USP40: variants seen among roughly 807,000 people sequenced by gnomAD.
USP40 encodes ubiquitin specific peptidase 40.
USP40 carries 143 observed loss-of-function variants against 166.2 expected under a neutral mutation model. The observed-to-expected ratio is 0.86, with a 90% confidence interval of 0.75 to 0.99. USP40 has a LOEUF of 0.99. USP40 is among the 50% of genes least tolerant of loss of function. The probability of loss-of-function intolerance (pLI) is 0.00; values close to 1 mark genes in which losing one functional copy is unlikely to be tolerated. For missense variants in USP40, 1,444 were observed against 1,479.7 expected, an observed-to-expected ratio of 0.98 and a Z score of 0.40; for synonymous variants, 498 against 524.0, an observed-to-expected ratio of 0.95 and a Z score of 0.68.
At chr2:233,517,379 G>GTTTTTTTTTTTTTTTTTTTTT (rs202226925) in intron 18 of USP40, among the ~76,000 whole-genome samples, 2 of 137,142 alleles carry the variant, frequency 1.5e-5, no homozygotes, top group Non-Finnish European at 1.5e-5. Context: ...CACATGCATG[G>GTTTTTTTTTTTTTTTTTTTTT]TTTTTTGTTT....
chr2:233,498,635 A>G, intron 22 of USP40, 23 bp from the exon 23 acceptor site: 1 of 1,607,006 alleles, frequency 6.2e-7, no homozygotes, highest in Non-Finnish European at 8.5e-7. Context: ...CAAAATTGGG[A>G]TAAAAAAAAT....
At chr2:233,502,201 A>G (rs939480542) in intron 21 of USP40, among the ~76,000 whole-genome samples, 3 of 152,182 alleles carry the variant, frequency 2.0e-5, no homozygotes, top group East Asian at 1.9e-4. Flanking sequence ...ACTTTTGAAA[A>G]GTTTTGTGGT....
chr2:233,502,218 C>T (rs1050975589), intron 21 of USP40, among the ~76,000 whole-genome samples: 2 of 151,954 alleles, frequency 1.3e-5, no homozygotes, highest in Admixed American at 6.6e-5. Flanking sequence ...TGGTTTCTTT[C>T]CTTGAAATTA....
At chr2:233,508,233 C>T (rs2066563495) in intron 21 of USP40, among the ~76,000 whole-genome samples, 1 of 152,194 alleles carries the variant, frequency 6.6e-6, no homozygotes, top group Non-Finnish European at 1.5e-5. Flanking sequence ...AAATATCCAA[C>T]TAATGTTCAC....
intron 2 of USP40, among the ~76,000 whole-genome samples, chr2:233,563,808 C>G (rs555927932): frequency 1.4e-3 from 207 of 152,272 alleles, no homozygotes; most frequent in African/African-American, 4.9e-3. Context: ...ACTAAGATGT[C>G]AAATCATATG....
chr2:233,533,178 A>G (rs569118972), intron 11 of USP40, among the ~76,000 whole-genome samples: 1 of 152,294 alleles, frequency 6.6e-6, no homozygotes, highest in South Asian at 2.1e-4. Context: ...GCATATGGCA[A>G]TCGCACTCAA....
At chr2:233,560,809 G>C (rs1057029232) in intron 3 of USP40, 2 of 460,130 alleles carry the variant, frequency 4.3e-6, no homozygotes, top group African/African-American at 2.0e-5. Flanking sequence ...ATTTTTTTTT[G>C]TGTGGGGTGG....
chr2:233,485,459 TA>T, intron 30 of USP40, 71 bp downstream of exon 30: 1 of 1,182,736 alleles, frequency 8.5e-7, no homozygotes, highest in Non-Finnish European at 1.2e-6. Context: ...GAAGATTCAA[TA>T]AAACGTCTCT....
chr2:233,540,716 C>G lies in USP40; in HGVS notation c.1116G>C (p.Lys372Asn). 1 of 1,613,442 alleles carries G rather than the reference C, an allele frequency of 6.2e-7. No homozygotes were observed. Among genetic ancestry groups the G allele is most frequent in the Non-Finnish European group, 8.5e-7 (1 of 1,179,590 alleles). The change falls in exon 10 of 32, where the codon AAG becomes AAC. Residue 372 changes from lysine to asparagine, a missense_variant. Lys to Asn is a moderately conservative substitution (Grantham distance 94, BLOSUM62 0). Transcript: ENST00000678225. ...ACTTCTTGTTCCAAGATATTCCTAT[C>G]TTTTTCAAAAGTTTCTGGCCCAGCT... ...VDQLGQKLLK[K>N]IGISWNKKYR...
intron 25 of USP40, 174 bp from the exon 26 acceptor site, chr2:233,491,435 T>G: frequency 3.3e-6 from 2 of 613,882 alleles, no homozygotes; most frequent in Non-Finnish European, 5.9e-6. Flanking sequence ...CAGGGACATG[T>G]TGTCGGCAGA....
intron 8 of USP40, among the ~76,000 whole-genome samples, chr2:233,548,790 G>A (rs1267815169): frequency 1.3e-5 from 2 of 152,062 alleles, no homozygotes; most frequent in Non-Finnish European, 2.9e-5. Flanking sequence ...CAAACGGTTC[G>A]CACTAATAAT....
chr2:233,549,023 A>G, intron 8 of USP40, 78 bp downstream of exon 8: 1 of 1,417,918 alleles, frequency 7.1e-7, no homozygotes, highest in Non-Finnish European at 9.5e-7. Context: ...AATAAATGGT[A>G]AACAAAATTT....
At chr2:233,505,795 A>G (rs966922892) in intron 21 of USP40, among the ~76,000 whole-genome samples, 7 of 152,304 alleles carry the variant, frequency 4.6e-5, no homozygotes, top group African/African-American at 1.7e-4. Context: ...AAAGTTGTGA[A>G]TATTTCCAAA....
At chr2:233,494,930 A>ATATATATATATATATATATTTT (rs2065601865) in intron 24 of USP40, among the ~76,000 whole-genome samples, 1 of 37,634 alleles carries the variant, frequency 2.7e-5, no homozygotes, top group African/African-American at 1.8e-4. Context: ...ATATATATAT[A>ATATATATATATATATATATTTT]TATATATATA....
chr2:233,565,783 A>G (rs1281869319), intron 1 of USP40, among the ~76,000 whole-genome samples: 1 of 152,082 alleles, frequency 6.6e-6, no homozygotes, highest in Non-Finnish European at 1.5e-5. Flanking sequence ...GGATATGTTA[A>G]TCTGTTTTCT....
intron 1 of USP40, among the ~76,000 whole-genome samples, chr2:233,565,847 G>A (rs1410887489): frequency 6.6e-6 from 1 of 152,096 alleles, no homozygotes; most frequent in Non-Finnish European, 1.5e-5. Flanking sequence ...ACTATCCAAT[G>A]ACATAACGAA....
At position 233,536,447 on chromosome 2, in the gene USP40, A is replaced by ACAC. The variant is rs112288937; in HGVS notation, c.1171-2671_1171-2669dup. 1.5e-3 allele frequency among the ~76,000 whole-genome samples: 229 copies of ACAC among 152,290 alleles called. 1 individual carries two copies. The highest frequency in any genetic ancestry group is 5.1e-3 in the African/African-American group (213 of 41,574). On this transcript the variant is annotated intron_variant, in intron 10 of 31. Transcript: ENST00000678225. Reference sequence around the variant, plus strand: ...GAAAAGAAAAAAATTAAAGAACAAAACACCAGTCTGGCCAACATGGCAAAA... The same window carrying ACAC: ...GAAAAGAAAAAAATTAAAGAACAAAACACCACCAGTCTGGCCAACATGGCAAAA...
At chr2:233,521,522 C>G (rs751526572) in intron 16 of USP40, among the ~76,000 whole-genome samples, 1 of 152,194 alleles carries the variant, frequency 6.6e-6, no homozygotes, top group African/African-American at 2.4e-5. Context: ...AGGGCCACAT[C>G]TAAGGAGTGT....
rs1021113652 is a variant in USP40 at position 233,540,673 on chromosome 2, G to A, written c.1159C>T (p.Pro387Ser). ...WNKKYRKQHGPLRKFLQLHSQ... is the reference protein window; with the variant it reads ...WNKKYRKQHGSLRKFLQLHSQ... ...ATGCCATGTATTACCTTCCGCAGTGGTCCATGCTGTTTTCTGTACTTCTTG... is the reference window on the plus strand; with the variant it reads ...ATGCCATGTATTACCTTCCGCAGTGATCCATGCTGTTTTCTGTACTTCTTG... The change falls in exon 10 of 32, where the codon CCA becomes TCA. Residue 387 changes from proline (P) to serine (S), a missense_variant. Coordinates refer to ENST00000678225, the MANE Select transcript of USP40 (RefSeq NM_001365479.2). 6.2e-7 allele frequency: 1 copy of A among 1,610,778 alleles called. No individual in the cohort carries two copies. The highest frequency in any genetic ancestry group is 1.3e-5 in the African/African-American group (1 of 74,892).
Sources: allele counts gnomAD v4.1 joint callset (sites outside exome capture counted in the v4.1 genomes callset), GRCh38; gene constraint gnomAD v4.1.1; transcripts MANE v1.5; gene names NCBI Gene and HGNC (gene_info 2026-07-23, HGNC 2026-07-21).